The following TNRC6A variants were observed in gnomAD, a reference collection of about 807,000 sequenced individuals.
The protein encoded by TNRC6A is trinucleotide repeat containing adaptor 6A.
In TNRC6A, 44 loss-of-function variants were observed where a neutral mutation model predicts 221.2. The ratio of observed to expected loss-of-function variants is 0.20; its 90% CI spans 0.16 to 0.26. The LOEUF (loss-of-function observed/expected upper bound fraction) is 0.26. Ranked by LOEUF, TNRC6A falls within the 10% of genes least tolerant of loss-of-function variation. The probability of loss-of-function intolerance (pLI) is 1.00; values close to 1 mark genes in which losing one functional copy is unlikely to be tolerated. For missense variants in TNRC6A, 2,199 were observed against 2,404.4 expected (o/e 0.91, Z 1.79); for synonymous variants, 847 against 838.5 (o/e 1.01, Z -0.18).
intron 2 of TNRC6A, among the ~76,000 whole-genome samples, chr16:24,681,384 T>C (rs1419820626): frequency 6.6e-6 from 1 of 151,904 alleles, no homozygotes; most frequent in African/African-American, 2.4e-5. Flanking sequence ...TGCGCCACCA[T>C]GCCCAGCTAA....
intron 2 of TNRC6A, chr16:24,664,896 G>T (rs1178844505): frequency 4.4e-6 from 2 of 455,620 alleles, no homozygotes; most frequent in South Asian, 3.1e-5. Context: ...TTGAGGCCAG[G>T]GTGGTGGAGA....
chr16:24,693,325 G>A (rs1036271540), intron 2 of TNRC6A, among the ~76,000 whole-genome samples: 2 of 151,926 alleles, frequency 1.3e-5, no homozygotes, highest in Admixed American at 6.6e-5. Context: ...AGTAGCTCAC[G>A]CCTGGAATCC....
intron 1 of TNRC6A, among the ~76,000 whole-genome samples, chr16:24,640,556 C>G (rs1901892974): frequency 6.6e-6 from 1 of 151,144 alleles, no homozygotes; most frequent in South Asian, 2.1e-4. Context: ...GGCAAAGCCC[C>G]ATCTCTACCA....
At chr16:24,624,030 C>T (rs1900827021) in intron 1 of TNRC6A, among the ~76,000 whole-genome samples, 1 of 151,924 alleles carries the variant, frequency 6.6e-6, no homozygotes, top group South Asian at 2.1e-4. Flanking sequence ...GTGATGAAGC[C>T]AGCACTGGCT....
intron 5 of TNRC6A, among the ~76,000 whole-genome samples, chr16:24,788,465 C>T (rs957091060): frequency 6.6e-6 from 1 of 152,096 alleles, no homozygotes; most frequent in African/African-American, 2.4e-5. Flanking sequence ...TTACAATACT[C>T]AAAACAGTTG....
chr16:24,778,411 C>T (rs2151741317), intron 5 of TNRC6A: 1 of 985,386 alleles, frequency 1.0e-6, no homozygotes, highest in Non-Finnish European at 1.2e-6. Context: ...TTGTAACCAC[C>T]ATGCTGTGCT....
At chr16:24,620,665 G>T (rs542615066) in intron 1 of TNRC6A, among the ~76,000 whole-genome samples, 1 of 152,018 alleles carries the variant, frequency 6.6e-6, no homozygotes, top group Admixed American at 6.6e-5. Flanking sequence ...AAAATTAGCC[G>T]GGCGTGTTGG....
intron 5 of TNRC6A, among the ~76,000 whole-genome samples, chr16:24,787,654 TAAAC>T (rs1361778109): frequency 6.6e-6 from 1 of 152,192 alleles, no homozygotes; most frequent in Non-Finnish European, 1.5e-5. Context: ...AAATGATTCT[TAAAC>T]AGGGAGTGGA....
intron 1 of TNRC6A, among the ~76,000 whole-genome samples, 170 bp from the exon 2 acceptor site, chr16:24,730,083 C>A (rs959530457): frequency 6.7e-6 from 1 of 150,058 alleles, no homozygotes; most frequent in East Asian, 2.0e-4. Context: ...GCCGCGGGAC[C>A]GCAGTCCGGG....
upstream of TNRC6A, among the ~76,000 whole-genome samples, chr16:24,725,794 G>C (rs2056481316): frequency 6.6e-6 from 1 of 151,994 alleles, no homozygotes; most frequent in African/African-American, 2.4e-5. Context: ...TGAGTCAGGA[G>C]TTCGAGACCA....
Position 24,789,733 on chromosome 16 carries a change from C to T in TNRC6A, c.1091C>T (p.Ala364Val), listed in dbSNP as rs751845515. 1.9e-6 allele frequency: 3 copies of T among 1,614,076 alleles called. No individual in the cohort carries two copies. Among genetic ancestry groups the T allele is most frequent in the South Asian group, 2.2e-5 (2 of 91,088 alleles). The part of the protein sequence containing the change: ...GGLNPSTLNS[A>V]SNHGAWPVLE... ...TTAAATCCAAGCACTTTGAATTCAG[C>T]TAGCAACCATGGTGCCTGGCCAGTA... The change falls in exon 6 of 25, where the codon GCT becomes GTT. Residue 364 changes from alanine (A) to valine (V), a missense_variant. By Grantham distance (64) the Ala-to-Val change is moderately conservative (BLOSUM62 0). Transcript: ENST00000395799.
intron 2 of TNRC6A, among the ~76,000 whole-genome samples, chr16:24,683,967 G>A (rs2055580275): frequency 6.6e-6 from 1 of 152,214 alleles, no homozygotes; most frequent in Admixed American, 6.5e-5. Context: ...CCAAGCCTCA[G>A]TGAGCTTCTT....
chr16:24,722,151 C>T (rs2056420383), intron 2 of TNRC6A, among the ~76,000 whole-genome samples: 1 of 152,120 alleles, frequency 6.6e-6, no homozygotes, highest in African/African-American at 2.4e-5. Flanking sequence ...GTGAGTATGC[C>T]TGTAACTCCT....
At position 24,823,110 on chromosome 16, in the gene TNRC6A, G is replaced by C; in HGVS notation, c.5513+97G>C. On this transcript the variant is annotated intron_variant, in intron 24 of 24. Transcript: ENST00000395799. The surrounding 1 kb of genome is among the most constrained non-coding windows in gnomAD (Gnocchi z 4.3). ...GCAGTGCACAGGGTCCTGCGTGGGT[G>C]GCTCCTGCTGGCTGCAGTAGTGCCC... 1 of 1,497,072 alleles carries C rather than the reference G, an allele frequency of 6.7e-7. No homozygotes were observed. The allele number at this position is 1,497,072 out of a possible 1,614,324, so 92.7% of individuals were successfully genotyped here.
chr16:24,787,029 T>G (rs1164968241), intron 5 of TNRC6A, among the ~76,000 whole-genome samples: 1 of 152,136 alleles, frequency 6.6e-6, no homozygotes, highest in East Asian at 1.9e-4. Flanking sequence ...GCACAGAGAT[T>G]GAGGATCTTG....
rs1365347992 is a variant in TNRC6A at position 24,740,554 on chromosome 16, T to C, written c.54-10172T>C. Among the ~76,000 whole-genome samples, 3 of 152,358 alleles carry C rather than the reference T, an allele frequency of 2.0e-5. No homozygotes were observed. The East Asian group carries it at 5.8e-4, about 29-fold the overall frequency. On this transcript the variant is annotated intron_variant, in intron 2 of 24. Transcript: ENST00000395799. Reference sequence around the variant, plus strand: ...TTATTCCTAAAACTTTTTGATGCTATTGTAGGTGGAATTGTTTTCTTGATT... The same window carrying C: ...TTATTCCTAAAACTTTTTGATGCTACTGTAGGTGGAATTGTTTTCTTGATT...
At position 24,750,817 on chromosome 16, in the gene TNRC6A, G is replaced by GT. The variant is rs1197344033; in HGVS notation, c.141+5dup. On this transcript the variant is annotated splice_donor_region_variant and intron_variant, in intron 3 of 24. Coordinates refer to ENST00000395799, the MANE Select transcript of TNRC6A (RefSeq NM_014494.4). ...GAAGGAAGCTGCTCAAAAGAAGGTAGTATGTGTGTAAACTATTTATATTAA... is the reference window on the plus strand; with the variant it reads ...GAAGGAAGCTGCTCAAAAGAAGGTAGTTATGTGTGTAAACTATTTATATTAA... 1 of 1,533,840 alleles carries GT rather than the reference G, an allele frequency of 6.5e-7. No homozygotes were observed. The highest frequency in any genetic ancestry group is 8.7e-7 in the Non-Finnish European group (1 of 1,145,496).
chr16:24,712,665 G>A (rs774371476), intron 2 of TNRC6A, among the ~76,000 whole-genome samples: 6 of 152,052 alleles, frequency 3.9e-5, no homozygotes, highest in Admixed American at 3.3e-4. Flanking sequence ...TTTATTTTAC[G>A]AAGTTAATTT....
intron 1 of TNRC6A, among the ~76,000 whole-genome samples, chr16:24,615,408 T>A (rs533204126): frequency 6.6e-6 from 1 of 152,094 alleles, no homozygotes; most frequent in Non-Finnish European, 1.5e-5. Flanking sequence ...TTAGACTTCA[T>A]ATGTAAATTT....
Sources: allele counts gnomAD v4.1 joint callset (sites outside exome capture counted in the v4.1 genomes callset), GRCh38; gene constraint gnomAD v4.1.1; non-coding constraint Gnocchi (gnomAD v3.1); transcripts MANE v1.5; gene names NCBI Gene and HGNC (gene_info 2026-07-23, HGNC 2026-07-21).